Variants in GABRA3 observed in about 807,000 individuals in gnomAD.
The protein encoded by GABRA3 is gamma-aminobutyric acid receptor subunit alpha-3.
A neutral mutation model predicts 30.1 loss-of-function variants in GABRA3; 10 were observed. The ratio of observed to expected loss-of-function variants is 0.33; its 90% confidence interval spans 0.20 to 0.56. The LOEUF is 0.56. GABRA3 is among the 20% of genes least tolerant of loss of function. The pLI is 0.89. For missense variants in GABRA3, 233 were observed against 392.0 expected, an observed-to-expected ratio of 0.59 and a Z score of 3.42; for synonymous variants, 151 against 146.8, an observed-to-expected ratio of 1.03 and a Z score of -0.21.
intron 1 of GABRA3, among the ~76,000 whole-genome samples, chrX:152,416,455 A>G (rs950954913): frequency 1.8e-5 from 2 of 108,694 alleles, no homozygotes; most frequent in Non-Finnish European, 3.8e-5. Context: ...GCCCAAGGTA[A>G]TTTACAGATT....
intron 1 of GABRA3, among the ~76,000 whole-genome samples, chrX:152,421,658 A>G (rs1930376749): frequency 8.9e-6 from 1 of 111,820 alleles, no homozygotes; most frequent in South Asian, 3.7e-4. Flanking sequence ...ACAGAGGACT[A>G]GTATTCAGAA....
In GABRA3 at chrX:152,341,880, C is replaced by A. The variant is rs749073851; in HGVS notation, c.262+3701G>T. 1.7e-3 allele frequency among the ~76,000 whole-genome samples: 180 copies of A among 107,114 alleles called. 1 individual carries two copies. The highest frequency in any genetic ancestry group is 0.01 in the Middle Eastern group (2 of 192). The allele number at this position is 107,114 out of a possible 115,157, so 93.0% of individuals were successfully genotyped here. A position where few individuals can be genotyped will look rare whatever the true frequency, so the allele number is the denominator to read the frequency against. On this transcript the variant is annotated intron_variant, in intron 3 of 9. Transcript: ENST00000370314. ...TTATTTTACTTTATTTTATTTTATT[C>A]TATTTTATTTTAGATGGAGTCTCAC...
At chrX:152,234,028 G>A (rs6653473) in intron 5 of GABRA3, among the ~76,000 whole-genome samples, 7,834 of 81,120 alleles carry the variant, frequency 0.097, 1,019 homozygotes, top group East Asian at 0.33. Flanking sequence ...GGGGAACATC[G>A]CACTCTAGGG....
At position 152,337,439 on chromosome X, in the gene GABRA3, CAT is replaced by C. The variant is rs772205820; in HGVS notation, c.262+8140_262+8141del. Reference sequence around the variant, plus strand: ...GGGATCCACTATTTTAAGGTCCACACATGAGTGAGAACATGTGATATTTGTCT... The same window carrying C: ...GGGATCCACTATTTTAAGGTCCACACGAGTGAGAACATGTGATATTTGTCT... On this transcript the variant is annotated intron_variant, in intron 3 of 9. Transcript: ENST00000370314. Among the ~76,000 whole-genome samples the C allele has an allele frequency of 4.9e-3, 544 of 111,889 alleles. 1 individual carries two copies. Among genetic ancestry groups the C allele is most frequent in the African/African-American group, 0.017 (533 of 30,797 alleles).
At chrX:152,328,414 C>T (rs1940103220) in intron 3 of GABRA3, among the ~76,000 whole-genome samples, 1 of 111,572 alleles carries the variant, frequency 9.0e-6, no homozygotes, top group South Asian at 3.8e-4. Flanking sequence ...AATTTTAGAC[C>T]ATTATCCCTG....
intron 4 of GABRA3, among the ~76,000 whole-genome samples, chrX:152,257,153 G>A (rs1295183718): frequency 8.9e-6 from 1 of 112,030 alleles, no homozygotes; most frequent in Non-Finnish European, 1.9e-5. Flanking sequence ...TGATGTTTGT[G>A]AATTTGCTAC....
At chrX:152,357,677 T>C (rs982989291) in intron 2 of GABRA3, among the ~76,000 whole-genome samples, 6 of 112,096 alleles carry the variant, frequency 5.4e-5, no homozygotes, top group Non-Finnish European at 1.1e-4. Flanking sequence ...TTTCATGTCT[T>C]CATCATGAAA....
intron 1 of GABRA3, among the ~76,000 whole-genome samples, chrX:152,416,156 T>G (rs745488863): frequency 2.0e-5 from 2 of 99,182 alleles, no homozygotes; most frequent in South Asian, 1.0e-3. Context: ...CTTAAGCTGA[T>G]AAGCAACTTC....
intron 1 of GABRA3, among the ~76,000 whole-genome samples, chrX:152,444,878 G>A (rs1300089948): frequency 6.4e-5 from 6 of 93,375 alleles, no homozygotes; most frequent in African/African-American, 1.2e-4. Flanking sequence ...CGGCTAAAAC[G>A]GTGAAACCCC....
chrX:152,205,626 C>T (rs1286262846), intron 7 of GABRA3, among the ~76,000 whole-genome samples: 1 of 111,453 alleles, frequency 9.0e-6, no homozygotes, highest in Non-Finnish European at 1.9e-5. Flanking sequence ...AGGCTTTTCA[C>T]TTTTTTTTAA....
intron 4 of GABRA3, among the ~76,000 whole-genome samples, chrX:152,256,895 A>C (rs1938645901): frequency 8.9e-6 from 1 of 111,746 alleles, no homozygotes. Flanking sequence ...CAAACCTAGA[A>C]TTCCTGTGGC....
chrX:152,385,636 C>T (rs1162839161), intron 1 of GABRA3, among the ~76,000 whole-genome samples: 1 of 111,741 alleles, frequency 8.9e-6, no homozygotes, highest in African/African-American at 3.3e-5. Flanking sequence ...GTTGCCATTG[C>T]TTTTGGTGTT....
chrX:152,397,606 C>T (rs1929692632), intron 1 of GABRA3, among the ~76,000 whole-genome samples: 1 of 111,635 alleles, frequency 9.0e-6, no homozygotes, highest in Admixed American at 9.5e-5. Context: ...AGTACTTCAG[C>T]CATTCAGCAA....
Position 152,224,855 on chromosome X carries a change from A to ACTTAACATATTATATTCT in GABRA3, c.552-11_552-10insAGAATATAATATGTTAAG, listed in dbSNP as rs1400779199. 1 of 1,125,975 alleles carries ACTTAACATATTATATTCT rather than the reference A, an allele frequency of 8.9e-7. No homozygotes were observed. The highest frequency in any genetic ancestry group is 1.2e-6 in the Non-Finnish European group (1 of 826,838). The allele number at this position is 1,125,975 out of a possible 1,213,427, so 92.8% of individuals were successfully genotyped here. A position where few individuals can be genotyped will look rare whatever the true frequency, so the allele number is the denominator to read the frequency against. ...AGCATGAATTGTTAACCTAAAAGAA[A>ACTTAACATATTATATTCT]GGCAAACAGAAAATGAAATTAAGCT... is the stretch of plus-strand genomic sequence containing the variant. On this transcript the variant is annotated splice_polypyrimidine_tract_variant and intron_variant, in intron 5 of 9. Coordinates refer to ENST00000370314, the MANE Select transcript of GABRA3 (RefSeq NM_000808.4).
chrX:152,327,293 GA>G (rs1255825999), intron 3 of GABRA3, among the ~76,000 whole-genome samples: 5 of 110,624 alleles, frequency 4.5e-5, no homozygotes, highest in Non-Finnish European at 7.6e-5. Flanking sequence ...ACAGATCAAC[GA>G]GACAGAAAGT....
intron 3 of GABRA3, among the ~76,000 whole-genome samples, chrX:152,301,951 T>C (rs745894575): frequency 3.6e-4 from 40 of 111,915 alleles, no homozygotes; most frequent in South Asian, 3.4e-3. Context: ...AGTGGAATGA[T>C]GTAAACTTTA....
At chrX:152,268,633 A>T (rs1938871641) in intron 4 of GABRA3, among the ~76,000 whole-genome samples, 1 of 112,141 alleles carries the variant, frequency 8.9e-6, no homozygotes, top group African/African-American at 3.2e-5. Context: ...AGTGGCATGA[A>T]CATGGCTCAC....
chrX:152,233,666 T>C (rs748806077), intron 5 of GABRA3, among the ~76,000 whole-genome samples: 376 of 107,515 alleles, frequency 3.5e-3, no homozygotes, highest in Non-Finnish European at 5.6e-3. Flanking sequence ...GAACTAGAAA[T>C]ACCATTTGAC....
chrX:152,200,316 G>C (rs1377040288), intron 7 of GABRA3, among the ~76,000 whole-genome samples: 1 of 111,626 alleles, frequency 9.0e-6, no homozygotes, highest in Non-Finnish European at 1.9e-5. Context: ...CCACTCCCTT[G>C]TACCTAAACC....
Sources: gnomAD v4.1 joint callset for allele counts (sites outside exome capture counted in the v4.1 genomes callset) on GRCh38, gnomAD v4.1.1 for gene constraint, MANE v1.5 for transcripts, NCBI Gene and HGNC (gene_info 2026-07-23, HGNC 2026-07-21) for gene names.